The following RPL35A variants were observed in gnomAD, a reference collection of about 807,000 sequenced individuals.
The protein encoded by RPL35A is ribosomal protein L35a, also known as large ribosomal subunit protein eL33.
In RPL35A, 1 loss-of-function variant was observed where a neutral mutation model predicts 16.7. The ratio of observed to expected loss-of-function variants is 0.06; its 90% CI spans 0.02 to 0.28. The LOEUF (loss-of-function observed/expected upper bound fraction) is 0.28. Among genes scored for constraint, RPL35A ranks in the 10% least tolerant of loss-of-function variants. The probability of loss-of-function intolerance (pLI) is 1.00; values close to 1 mark genes in which losing one functional copy is unlikely to be tolerated. For synonymous variants in RPL35A, 58 were observed against 47.0 expected (o/e 1.23, Z -0.96); for missense variants, 91 against 138.7 (o/e 0.66, Z 1.73).
At chr3:197,952,575 A>ATCTCTGCTTCCCGGGTTCAAGCGAT (rs1491180672) in intron 3 of RPL35A, 1 of 151,618 alleles carries the variant, frequency 6.6e-6, no homozygotes, top group Non-Finnish European at 1.5e-5. Flanking sequence ...GCTCACTGTA[A>ATCTCTGCTTCCCGGGTTCAAGCGAT]TCTCTGCTTC....
chr3:197,950,562 C>T (rs1048248993), intron 1 of RPL35A: 2 of 329,194 alleles, frequency 6.1e-6, no homozygotes, highest in East Asian at 6.1e-5. Context: ...AGTCTCTTTC[C>T]TCAGCTTTTC....
chr3:197,954,375 C>T, intron 4 of RPL35A: 4 of 574,584 alleles, frequency 7.0e-6, no homozygotes, highest in Non-Finnish European at 1.2e-5. Context: ...ACTTTGTCAC[C>T]CAGGCTGGGG....
intron 4 of RPL35A, among the ~76,000 whole-genome samples, chr3:197,955,487 C>G (rs1043506692): frequency 1.1e-4 from 16 of 152,134 alleles, no homozygotes; most frequent in Non-Finnish European, 1.9e-4. Context: ...TGGTCTCTAT[C>G]TCTTGACCTT....
Position 197,953,908 on chromosome 3 carries a change from T to TA in RPL35A, c.165-93dup, listed in dbSNP as rs1720323609. On this transcript the variant is annotated intron_variant, in intron 3 of 4. Transcript: ENST00000647248. ...AAAGTTTCTCAGGTGATGAAGTGGGTAACCAGGGTTGAGAGCCACTCGTGT... is the reference window on the plus strand; with the variant it reads ...AAAGTTTCTCAGGTGATGAAGTGGGTAAACCAGGGTTGAGAGCCACTCGTGT... 2.4e-6 allele frequency: 3 copies of TA among 1,248,138 alleles called. No individual in the cohort carries two copies. In the South Asian group the frequency reaches 3.6e-5, roughly 15 times the overall value. 77.3% of individuals were successfully genotyped at this position (1,248,138 alleles called of 1,614,324 possible).
chr3:197,952,162 G>GTTTTTT lies in RPL35A; in HGVS notation c.164+872_164+877dup, dbSNP rs1161903755. On this transcript the variant is annotated intron_variant, in intron 3 of 4. Transcript: ENST00000647248. ...TTTTGTTAATGCCTTAAAATTATGG[G>GTTTTTT]TTTTTTTTTTTTTTTTTTTTTTTTT... 1.0e-3 allele frequency among the ~76,000 whole-genome samples: 84 copies of GTTTTTT among 83,900 alleles called. 2 individuals are homozygous for GTTTTTT. The highest frequency in any genetic ancestry group is 4.0e-3 in the African/African-American group (77 of 19,452). 55.0% of individuals were successfully genotyped at this position (83,900 alleles called of 152,430 possible). A position where few individuals can be genotyped will look rare whatever the true frequency, so the allele number is the denominator to read the frequency against.
At chr3:197,950,760 G>A (rs1719999289) in intron 1 of RPL35A, 176 bp from the exon 2 acceptor site, 2 of 625,798 alleles carry the variant, frequency 3.2e-6, no homozygotes, top group South Asian at 3.9e-5. Flanking sequence ...GTTCTCTGAG[G>A]TTTGAATGTC....
In RPL35A at chr3:197,951,329, G is replaced by A. The variant is rs749642279; in HGVS notation, c.164+18G>A. Reference sequence around the variant, plus strand: ...GCAAAGAAGTAAGTTTATGACACTGGTAGGTTTTGGGTTTTTGAGATCTGC... The same window carrying A: ...GCAAAGAAGTAAGTTTATGACACTGATAGGTTTTGGGTTTTTGAGATCTGC... On this transcript the variant is annotated intron_variant, in intron 3 of 4. Coordinates refer to ENST00000647248, the MANE Select transcript of RPL35A (RefSeq NM_000996.4). The A allele has an allele frequency of 4.9e-5, 79 of 1,613,552 alleles. No individual in the cohort carries two copies. Among genetic ancestry groups the A allele is most frequent in the Non-Finnish European group, 6.5e-5 (77 of 1,179,622 alleles).
intron 3 of RPL35A, among the ~76,000 whole-genome samples, chr3:197,952,161 G>GT (rs1720149167): frequency 1.5e-5 from 2 of 133,612 alleles, no homozygotes; most frequent in Admixed American, 7.6e-5. Flanking sequence ...TAAAATTATG[G>GT]GTTTTTTTTT....
Position 197,954,067 on chromosome 3 carries a change from G to A in RPL35A, c.229G>A (p.Ala77Thr), listed in dbSNP as rs746601732. 1 of 1,614,058 alleles carries A rather than the reference G, an allele frequency of 6.2e-7. No individual in the cohort carries two copies. The highest frequency in any genetic ancestry group is 1.7e-5 in the Admixed American group (1 of 60,010). Reference protein sequence around the residue: ...TRVIWGKVTRAHGNSGMVRAK... With the variant: ...TRVIWGKVTRTHGNSGMVRAK... ...AGTCATCTGGGGAAAAGTAACTCGGGCCCATGGAAACAGTGGCATGGTTCG... is the reference window on the plus strand; with the variant it reads ...AGTCATCTGGGGAAAAGTAACTCGGACCCATGGAAACAGTGGCATGGTTCG... The change falls in exon 4 of 5, where the codon GCC becomes ACC. Residue 77 changes from alanine (A) to threonine (T), a missense_variant. By Grantham distance (58) the Ala-to-Thr change is moderately conservative. Transcript: ENST00000647248.
At chr3:197,950,295 C>T (rs1719944925) in intron 1 of RPL35A, 74 bp downstream of exon 1, 1 of 1,230,130 alleles carries the variant, frequency 8.1e-7, no homozygotes, top group African/African-American at 1.6e-5. Flanking sequence ...CTTGGCGAGT[C>T]GCCGGTGCGT....
At chr3:197,953,923 GC>G in intron 3 of RPL35A, 79 bp from the exon 4 acceptor site, 1 of 1,463,526 alleles carries the variant, frequency 6.8e-7, no homozygotes. Flanking sequence ...AGGGTTGAGA[GC>G]CACTCGTGTA....
intron 3 of RPL35A, chr3:197,953,492 GATTAACCC>G: frequency 2.2e-6 from 1 of 456,838 alleles, no homozygotes; most frequent in Non-Finnish European, 4.4e-6. Context: ...TCTCAGCTGG[GATTAACCC>G]CTTGGTGTCT....
In RPL35A at chr3:197,953,907, G is replaced by T. The variant is rs1222102036; in HGVS notation, c.165-96G>T. The T allele has an allele frequency of 4.0e-6, 5 of 1,236,730 alleles. 1 individual carries two copies. The highest frequency in any genetic ancestry group is 5.9e-6 in the Non-Finnish European group (5 of 843,482). The allele number at this position is 1,236,730 out of a possible 1,614,324, so 76.6% of individuals were successfully genotyped here. ...TAAAGTTTCTCAGGTGATGAAGTGG[G>T]TAACCAGGGTTGAGAGCCACTCGTG... On this transcript the variant is annotated intron_variant, in intron 3 of 4. Transcript: ENST00000647248.
At chr3:197,955,210 G>A (rs1199368609) in intron 4 of RPL35A, among the ~76,000 whole-genome samples, 2 of 152,012 alleles carry the variant, frequency 1.3e-5, no homozygotes, top group Non-Finnish European at 2.9e-5. Context: ...AACAGAGGAG[G>A]CTTTTACTCT....
chr3:197,954,230 G>A (rs1720353668), intron 4 of RPL35A, 83 bp downstream of exon 4: 2 of 1,467,126 alleles, frequency 1.4e-6, no homozygotes, highest in African/African-American at 1.4e-5. Context: ...GAGGACTTCT[G>A]TGGTTGTGAA....
At chr3:197,952,831 G>A (rs1425764289) in intron 3 of RPL35A, among the ~76,000 whole-genome samples, 1 of 150,944 alleles carries the variant, frequency 6.6e-6, no homozygotes. Context: ...TGTTTATGCT[G>A]TAGACTTTTT....
chr3:197,955,863 C>T lies in RPL35A; in HGVS notation c.*90C>T, dbSNP rs1354664766. ...CTTACTACCTTAAATTGATTTGCTA[C>T]ATGCTTAAAATGATAGAGGTTGCTC... On this transcript the variant is annotated 3_prime_UTR_variant, in exon 5 of 5. Transcript: ENST00000647248. 9.0e-6 allele frequency: 10 copies of T among 1,106,580 alleles called. No individual in the cohort carries two copies. Among genetic ancestry groups the T allele is most frequent in the Non-Finnish European group, 1.4e-5 (10 of 724,188 alleles). 68.5% of individuals were successfully genotyped at this position (1,106,580 alleles called of 1,614,324 possible). A position where few individuals can be genotyped will look rare whatever the true frequency, so the allele number is the denominator to read the frequency against.
chr3:197,951,237 T>C lies in RPL35A; in HGVS notation c.90T>C (p.Ile30=), dbSNP rs2109804838. The change falls in exon 3 of 5, where the codon ATT becomes ATC. Residue 30 remains isoleucine (I), a synonymous_variant. Transcript: ENST00000647248. ...NQREHTALLK[I]EGVYARDETE... is the part of the protein sequence containing the mutation. ...GGGAGCACACAGCTCTTCTTAAAAT[T>C]GAAGGTGTTTACGCCCGAGATGAAA... The C allele has an allele frequency of 1.9e-6, 3 of 1,614,206 alleles. No individual in the cohort carries two copies. Among genetic ancestry groups the C allele is most frequent in the Non-Finnish European group, 2.5e-6 (3 of 1,180,028 alleles).
chr3:197,956,258 C>G lies in RPL35A; in HGVS notation c.*485C>G, dbSNP rs1720515451. 1 of 179,458 alleles carries G rather than the reference C, an allele frequency of 5.6e-6. No individual in the cohort carries two copies. Among genetic ancestry groups the G allele is most frequent in the African/African-American group, 2.4e-5 (1 of 42,374 alleles). The allele number at this position is 179,458 out of a possible 1,614,324, so 11.1% of individuals were successfully genotyped here. A position where few individuals can be genotyped will look rare whatever the true frequency, so the allele number is the denominator to read the frequency against. ...TATGAGCCACCACACCTGCCAAGTG[C>G]TTTGTGATACTATGCATTTGTTCAA... On this transcript the variant is annotated 3_prime_UTR_variant, in exon 5 of 5. Transcript: ENST00000647248.
Sources: allele counts gnomAD v4.1 joint callset (sites outside exome capture counted in the v4.1 genomes callset), GRCh38; gene constraint gnomAD v4.1.1; transcripts MANE v1.5; gene names NCBI Gene and HGNC (gene_info 2026-07-23, HGNC 2026-07-21).